The following C1QTNF9 variants were observed in gnomAD, a reference collection of about 807,000 sequenced individuals.
The protein encoded by C1QTNF9 is C1q and TNF related 9.
C1QTNF9 carries 6 observed loss-of-function variants against 10.1 expected under a neutral mutation model. The observed-to-expected ratio is 0.59, with a 90% CI of 0.32 to 1.17. C1QTNF9 has a LOEUF of 1.17. C1QTNF9 is among the 50% of genes most tolerant of loss of function. The probability of loss-of-function intolerance (pLI) is 0.04; values close to 1 mark genes in which losing one functional copy is unlikely to be tolerated. For missense variants in C1QTNF9, 201 were observed against 418.8 expected (o/e 0.48, Z 4.54); for synonymous variants, 98 against 163.5 (o/e 0.60, Z 3.06).
At chr13:24,317,126 C>G (rs1878069099) in intron 2 of C1QTNF9, among the ~76,000 whole-genome samples, 1 of 152,108 alleles carries the variant, frequency 6.6e-6, no homozygotes, top group Non-Finnish European at 1.5e-5. Flanking sequence ...GGTGTCTTCT[C>G]CTGGCTCACA....
intron 1 of C1QTNF9, among the ~76,000 whole-genome samples, chr13:24,313,659 C>T (rs891531888): frequency 3.3e-5 from 5 of 152,168 alleles, no homozygotes; most frequent in Non-Finnish European, 7.4e-5. Context: ...GTGACATTTC[C>T]ACCAGATGGC....
At chr13:24,316,952 A>C (rs1006877422) in intron 2 of C1QTNF9, among the ~76,000 whole-genome samples, 1 of 152,220 alleles carries the variant, frequency 6.6e-6, no homozygotes, top group Non-Finnish European at 1.5e-5. Flanking sequence ...AAAAAAATAT[A>C]TCAAAACTTC....
chr13:24,322,419 C>T (rs1280046653), exon 4 of C1QTNF9: 1 of 152,252 alleles, frequency 6.6e-6, no homozygotes, highest in African/African-American at 2.4e-5. Context: ...AGGTTTTAAT[C>T]ACCATTTTAC....
chr13:24,309,522 G>A (rs1877731760), upstream of C1QTNF9: 2 of 151,910 alleles, frequency 1.3e-5, no homozygotes, highest in Non-Finnish European at 2.9e-5. Flanking sequence ...ATATCCACTG[G>A]GGAATTGTAT....
chr13:24,320,789 A>C (rs1262159672), intron 3 of C1QTNF9, among the ~76,000 whole-genome samples: 1 of 151,224 alleles, frequency 6.6e-6, no homozygotes, highest in Non-Finnish European at 1.5e-5. Flanking sequence ...GGCCTCAGGC[A>C]GTCCTCCTGC....
At chr13:24,313,105 T>TAAAC (rs1045569616) in intron 1 of C1QTNF9, among the ~76,000 whole-genome samples, 50 of 152,224 alleles carry the variant, frequency 3.3e-4, no homozygotes, top group Non-Finnish European at 5.1e-4. Context: ...TGTATCTCTA[T>TAAAC]AAACAAACAA....
At chr13:24,318,950 G>C in intron 3 of C1QTNF9, 70 bp downstream of exon 3, 1 of 1,578,378 alleles carries the variant, frequency 6.3e-7, no homozygotes, top group African/African-American at 1.3e-5. Flanking sequence ...CCATGGACAA[G>C]TCCTCCATGC....
At chr13:24,319,851 A>G (rs1488363034) in intron 3 of C1QTNF9, among the ~76,000 whole-genome samples, 2 of 152,198 alleles carry the variant, frequency 1.3e-5, no homozygotes, top group South Asian at 2.1e-4. Context: ...CAATATCCCC[A>G]GACGCTAGGT....
upstream of C1QTNF9, among the ~76,000 whole-genome samples, chr13:24,307,386 C>G (rs1262805696): frequency 6.6e-6 from 1 of 152,206 alleles, no homozygotes; most frequent in East Asian, 1.9e-4. Flanking sequence ...CAGACTGTGC[C>G]CTCTGACTGC....
At chr13:24,311,276 C>T (rs752996336) in intron 1 of C1QTNF9, among the ~76,000 whole-genome samples, 1 of 152,128 alleles carries the variant, frequency 6.6e-6, no homozygotes. Context: ...GATTCTTTAG[C>T]AAAGGACAGA....
exon 4 of C1QTNF9, chr13:24,321,705 C>T (rs1219630646): frequency 6.2e-7 from 1 of 1,611,082 alleles, no homozygotes; most frequent in Non-Finnish European, 8.5e-7. Context: ...GGTTCAATGG[C>T]TTGTTTGCTG....
chr13:24,316,668 A>G (rs1187029764), intron 2 of C1QTNF9, among the ~76,000 whole-genome samples: 1 of 152,200 alleles, frequency 6.6e-6, no homozygotes, highest in Non-Finnish European at 1.5e-5. Context: ...AAAGGAGACG[A>G]GAATCTGAAA....
intron 1 of C1QTNF9, among the ~76,000 whole-genome samples, chr13:24,312,849 G>A (rs1351703159): frequency 6.6e-6 from 1 of 151,846 alleles, no homozygotes; most frequent in African/African-American, 2.4e-5. Flanking sequence ...CAGCTACTCG[G>A]GAGGCTGAGG....
At chr13:24,308,384 G>A (rs1270634873), upstream of C1QTNF9, among the ~76,000 whole-genome samples, 1 of 152,224 alleles carries the variant, frequency 6.6e-6, no homozygotes, top group Non-Finnish European at 1.5e-5. Context: ...ACTGCTGAGA[G>A]CCCCCAGCGG....
chr13:24,318,559 C>T (rs1460145406), intron 2 of C1QTNF9, among the ~76,000 whole-genome samples: 1 of 151,998 alleles, frequency 6.6e-6, no homozygotes, highest in Non-Finnish European at 1.5e-5. Context: ...TCTTGCTGTG[C>T]GCTCTAGGCA....
chr13:24,320,791 T>G (rs1183646421), intron 3 of C1QTNF9, among the ~76,000 whole-genome samples: 3 of 151,868 alleles, frequency 2.0e-5, no homozygotes, highest in Admixed American at 1.3e-4. Flanking sequence ...CCTCAGGCAG[T>G]CCTCCTGCCG....
intron 1 of C1QTNF9, among the ~76,000 whole-genome samples, chr13:24,310,906 T>C (rs9580933): frequency 0.49 from 62,193 of 126,822 alleles, 14,848 homozygotes; most frequent in African/African-American, 0.63. Context: ...AGCGAGGCTC[T>C]GTCTCAAAAA....
intron 2 of C1QTNF9, among the ~76,000 whole-genome samples, chr13:24,318,487 C>T (rs1878123855): frequency 6.6e-6 from 1 of 150,880 alleles, no homozygotes. Flanking sequence ...AAGTCCTTGT[C>T]GCAGGAGAGG....
exon 1 of C1QTNF9, chr13:24,309,598 C>G (rs1593529451): frequency 6.6e-6 from 1 of 151,974 alleles, no homozygotes; most frequent in East Asian, 1.9e-4. Context: ...TGGGTCCAGC[C>G]TGCAGCCCTA....
Sources: allele counts gnomAD v4.1 joint callset (sites outside exome capture counted in the v4.1 genomes callset), GRCh38; gene constraint gnomAD v4.1.1; transcripts MANE v1.5; gene names NCBI Gene and HGNC (gene_info 2026-07-23, HGNC 2026-07-21).